CLSTN2: variants seen among roughly 807,000 people sequenced by gnomAD.
CLSTN2 encodes calsyntenin 2.
A neutral mutation model predicts 101.2 loss-of-function variants in CLSTN2; 48 were observed. The ratio of observed to expected loss-of-function variants is 0.47; its 90% CI spans 0.38 to 0.60. CLSTN2 has a LOEUF of 0.60. Among genes scored for constraint, CLSTN2 ranks in the 20% least tolerant of loss-of-function variants. The probability of loss-of-function intolerance (pLI) is 0.00; values close to 1 mark genes in which losing one functional copy is unlikely to be tolerated. For synonymous variants in CLSTN2, 481 were observed against 463.6 expected (o/e 1.04, Z -0.48); for missense variants, 1,160 against 1,238.2 (o/e 0.94, Z 0.95).
chr3:140,480,692 G>A (rs1441973444), intron 8 of CLSTN2, among the ~76,000 whole-genome samples: 1 of 152,148 alleles, frequency 6.6e-6, no homozygotes, highest in Non-Finnish European at 1.5e-5. Context: ...TTCTCTGATG[G>A]CCAGTGATGA....
chr3:140,110,420 C>T (rs1313554815), intron 1 of CLSTN2, among the ~76,000 whole-genome samples: 3 of 152,186 alleles, frequency 2.0e-5, no homozygotes, highest in Non-Finnish European at 4.4e-5. Context: ...ACATTAAACA[C>T]CATGGGGCAT....
intron 1 of CLSTN2, among the ~76,000 whole-genome samples, chr3:140,045,079 TG>T (rs966859113): frequency 6.6e-6 from 1 of 152,200 alleles, no homozygotes; most frequent in African/African-American, 2.4e-5. Flanking sequence ...CTTTTTCTAT[TG>T]ATTGGAATAG....
intron 8 of CLSTN2, among the ~76,000 whole-genome samples, chr3:140,502,593 C>G (rs1559887870): frequency 6.6e-6 from 1 of 152,170 alleles, no homozygotes; most frequent in Non-Finnish European, 1.5e-5. Flanking sequence ...CTTCAAAATA[C>G]TGAGAGAATC....
Position 139,935,353 on chromosome 3 carries a change from C to T in CLSTN2, c.-22C>T. ...CGCGGACAGTAGGCGGCGGCTGCAG[C>T]TCGTTGGCGGCTGCTGCGAGGATGC... On this transcript the variant is annotated 5_prime_UTR_variant, in exon 1 of 17. Transcript: ENST00000458420. The surrounding 1 kb of genome is among the most constrained non-coding windows in gnomAD (Gnocchi z 5.5). The T allele has an allele frequency of 2.5e-6, 3 of 1,206,718 alleles. No individual in the cohort carries two copies. Among genetic ancestry groups the T allele is most frequent in the Non-Finnish European group, 3.1e-6 (3 of 966,324 alleles). The allele number at this position is 1,206,718 out of a possible 1,614,324, so 74.8% of individuals were successfully genotyped here. A position where few individuals can be genotyped will look rare whatever the true frequency, so the allele number is the denominator to read the frequency against.
At chr3:140,501,889 G>A (rs893037174) in intron 8 of CLSTN2, among the ~76,000 whole-genome samples, 4 of 152,196 alleles carry the variant, frequency 2.6e-5, no homozygotes, top group Non-Finnish European at 4.4e-5. Context: ...TTTCTAACCA[G>A]CTCCCAAGGG....
chr3:139,986,537 GA>G (rs1441376779), intron 1 of CLSTN2, among the ~76,000 whole-genome samples: 2 of 152,144 alleles, frequency 1.3e-5, no homozygotes, highest in Non-Finnish European at 2.9e-5. Flanking sequence ...TTCTTGTGGA[GA>G]ACATTAAGCT....
chr3:140,166,210 C>T (rs139759268), intron 1 of CLSTN2, among the ~76,000 whole-genome samples: 2 of 152,280 alleles, frequency 1.3e-5, no homozygotes, highest in East Asian at 3.9e-4. Context: ...TAGTTTCTGG[C>T]CTGTGAAATG....
intron 1 of CLSTN2, among the ~76,000 whole-genome samples, chr3:139,945,173 G>A (rs1007731811): frequency 1.3e-5 from 2 of 152,168 alleles, no homozygotes; most frequent in African/African-American, 4.8e-5. Flanking sequence ...TCTTAATCAA[G>A]TCTGACTAGA....
chr3:140,199,154 T>A (rs2010686376), intron 2 of CLSTN2, among the ~76,000 whole-genome samples: 1 of 152,340 alleles, frequency 6.6e-6, no homozygotes, highest in Non-Finnish European at 1.5e-5. Context: ...TGTGTGAGTT[T>A]CCTTATCTTG....
In CLSTN2 at chr3:140,213,374, C is replaced by T. The variant is rs543795059; in HGVS notation, c.232+37301C>T. On this transcript the variant is annotated intron_variant, in intron 2 of 16. Coordinates refer to ENST00000458420, the MANE Select transcript of CLSTN2 (RefSeq NM_022131.3). ...AGGGGTAGGGAAGCAATAAAAAGAT[C>T]CTGAGAGTCCCTGGACAATACCAGT... Among the ~76,000 whole-genome samples, 5 of 152,234 alleles carry T rather than the reference C, an allele frequency of 3.3e-5. No homozygotes were observed. The South Asian group carries it at 1.0e-3, about 32-fold the overall frequency.
chr3:140,542,816 C>T (rs1251940040), intron 9 of CLSTN2, among the ~76,000 whole-genome samples: 1 of 152,206 alleles, frequency 6.6e-6, no homozygotes. Flanking sequence ...GCTAAAGCTG[C>T]TGAGTGAGCA....
intron 2 of CLSTN2, among the ~76,000 whole-genome samples, chr3:140,279,868 C>T (rs1360212755): frequency 1.3e-5 from 2 of 152,242 alleles, no homozygotes; most frequent in Non-Finnish European, 2.9e-5. Flanking sequence ...GGGGTTTCTA[C>T]ACCCATTGGC....
chr3:140,240,700 T>G (rs1460820147), intron 2 of CLSTN2, among the ~76,000 whole-genome samples: 1 of 152,072 alleles, frequency 6.6e-6, no homozygotes, highest in Non-Finnish European at 1.5e-5. Flanking sequence ...TTGACCTTAC[T>G]CTTGCCAAAG....
chr3:140,421,018 G>T (rs1414725535), intron 4 of CLSTN2, 107 bp from the exon 5 acceptor site: 8 of 1,125,998 alleles, frequency 7.1e-6, no homozygotes, highest in East Asian at 4.8e-5. Context: ...ATAAGGAAAA[G>T]GGTCACTTTC....
At chr3:140,040,708 T>C (rs765938562) in intron 1 of CLSTN2, among the ~76,000 whole-genome samples, 2 of 152,128 alleles carry the variant, frequency 1.3e-5, no homozygotes, top group African/African-American at 2.4e-5. Context: ...AATATAACAC[T>C]TCTTTAGAAA....
At chr3:140,101,278 GA>G (rs2008960863) in intron 1 of CLSTN2, among the ~76,000 whole-genome samples, 1 of 152,116 alleles carries the variant, frequency 6.6e-6, no homozygotes. Context: ...GCTGGCCATA[GA>G]CTTACCCATT....
chr3:140,332,730 A>C (rs990689081), intron 2 of CLSTN2, among the ~76,000 whole-genome samples: 1 of 150,958 alleles, frequency 6.6e-6, no homozygotes, highest in Non-Finnish European at 1.5e-5. Context: ...AATTATAGGA[A>C]GGATCCCTTT....
intron 2 of CLSTN2, among the ~76,000 whole-genome samples, chr3:140,401,072 A>G (rs1559859162): frequency 6.6e-6 from 1 of 151,606 alleles, no homozygotes; most frequent in Non-Finnish European, 1.5e-5. Flanking sequence ...CGCTGGGTCT[A>G]TTTTTGTTTA....
intron 1 of CLSTN2, among the ~76,000 whole-genome samples, chr3:140,168,400 T>C (rs1186208017): frequency 6.6e-6 from 1 of 152,158 alleles, no homozygotes; most frequent in Non-Finnish European, 1.5e-5. Context: ...ATTATTTATA[T>C]ATTTTGGATA....
Sources: gnomAD v4.1 joint callset for allele counts (sites outside exome capture counted in the v4.1 genomes callset) on GRCh38, gnomAD v4.1.1 for gene constraint, Gnocchi (gnomAD v3.1) non-coding constraint, MANE v1.5 for transcripts, NCBI Gene and HGNC (gene_info 2026-07-23, HGNC 2026-07-21) for gene names.